Variants in SEPTIN9 observed in about 807,000 individuals in gnomAD.
The protein encoded by SEPTIN9 is septin-9.
SEPTIN9 carries 13 observed loss-of-function variants against 56.6 expected under a neutral mutation model. The ratio of observed to expected loss-of-function variants is 0.23; its 90% CI spans 0.15 to 0.37. The LOEUF (loss-of-function observed/expected upper bound fraction) is 0.37, where lower values mean the gene tolerates loss of function less well. SEPTIN9 is among the 10% of genes least tolerant of loss of function. SEPTIN9 has a pLI of 1.00. For synonymous variants in SEPTIN9, 332 were observed against 334.1 expected (o/e 0.99, Z 0.07); for missense variants, 650 against 823.1 (o/e 0.79, Z 2.57).
At chr17:77,379,140 G>A (rs1017588714) in intron 2 of SEPTIN9, among the ~76,000 whole-genome samples, 1 of 152,144 alleles carries the variant, frequency 6.6e-6, no homozygotes, top group Non-Finnish European at 1.5e-5. Context: ...ATCTTGTCTA[G>A]TGGTGAGACC....
chr17:77,414,250 G>A (rs971645059), intron 3 of SEPTIN9, among the ~76,000 whole-genome samples: 1 of 151,530 alleles, frequency 6.6e-6, no homozygotes, highest in Admixed American at 6.6e-5. Context: ...GGCTAATTTT[G>A]TATTTTTAGT....
At chr17:77,312,761 T>C (rs1398295102) in intron 2 of SEPTIN9, among the ~76,000 whole-genome samples, 2 of 152,092 alleles carry the variant, frequency 1.3e-5, no homozygotes, top group Non-Finnish European at 2.9e-5. Flanking sequence ...GGGTAAGAAA[T>C]TGATGGCGAA....
rs115982065 is a variant in SEPTIN9, at chr17:77,342,458, T to C, written c.76+35261T>C. 5.4e-3 allele frequency among the ~76,000 whole-genome samples: 825 copies of C among 152,364 alleles called. 8 individuals carry two copies. Among genetic ancestry groups the C allele is most frequent in the African/African-American group, 0.019 (784 of 41,590 alleles). On this transcript the variant is annotated intron_variant, in intron 2 of 11. Transcript: ENST00000427177. ...CTAGATCTTTTTAAAGAACCAGCAT[T>C]GGACTCCCCTTTTCTGGTGTCCATT...
intron 3 of SEPTIN9, chr17:77,427,329 G>A (rs749066329): frequency 3.3e-5 from 5 of 152,304 alleles, no homozygotes; most frequent in Non-Finnish European, 4.4e-5. Flanking sequence ...ACAAGTGGAC[G>A]AGATGGGATG....
chr17:77,484,601 G>GTAGTGA lies in SEPTIN9; in HGVS notation c.913+2267_913+2268insAGTGAT, dbSNP rs1555678563. Among the ~76,000 whole-genome samples, 104 of 34,074 alleles carry GTAGTGA rather than the reference G, an allele frequency of 3.1e-3. 9 individuals carry two copies. In the African/African-American group the frequency reaches 0.033, roughly 11 times the overall value. The allele number at this position is 34,074 out of a possible 152,430, so 22.4% of individuals were successfully genotyped here. ...GGTTATGATGGTGGTAATTGTGATG[G>GTAGTGA]TGGTGGTGATGGTGGTGATGGGGAT... On this transcript the variant is annotated intron_variant, in intron 4 of 11. Transcript: ENST00000427177.
At position 77,500,040 on chromosome 17, in the gene SEPTIN9, C is replaced by T. The variant is rs1249447551; in HGVS notation, c.*1382C>T. On this transcript the variant is annotated 3_prime_UTR_variant, in exon 12 of 12. Coordinates refer to ENST00000427177, the MANE Select transcript of SEPTIN9 (RefSeq NM_001113491.2). ...AAAGTCCCTTCCTGCTTCCTGTTAC[C>T]TGTCTTGCTCCTGGGGAGAAAGAGG... The T allele has an allele frequency of 1.3e-5, 3 of 235,416 alleles. No individual in the cohort carries two copies. The highest frequency in any genetic ancestry group is 6.0e-5 in the East Asian group (1 of 16,570). The allele number at this position is 235,416 out of a possible 1,614,324, so 14.6% of individuals were successfully genotyped here. A position where few individuals can be genotyped will look rare whatever the true frequency, so the allele number is the denominator to read the frequency against.
At chr17:77,303,396 C>T in intron 1 of SEPTIN9, among the ~76,000 whole-genome samples, 1 of 150,854 alleles carries the variant, frequency 6.6e-6, no homozygotes, top group East Asian at 2.0e-4. Flanking sequence ...CCATGCCTGG[C>T]CAACTATTAT....
chr17:77,481,078 T>C (rs756727198), intron 3 of SEPTIN9, among the ~76,000 whole-genome samples: 2 of 152,172 alleles, frequency 1.3e-5, no homozygotes, highest in Non-Finnish European at 2.9e-5. Flanking sequence ...CCAGCCCTGA[T>C]GGGAACCAGC....
intron 3 of SEPTIN9, among the ~76,000 whole-genome samples, chr17:77,463,104 T>A (rs1482071369): frequency 6.6e-6 from 1 of 152,184 alleles, no homozygotes; most frequent in Non-Finnish European, 1.5e-5. Flanking sequence ...GATGAGGCTG[T>A]TCCTTTCCGC....
At chr17:77,311,906 C>T (rs2032508693) in intron 2 of SEPTIN9, among the ~76,000 whole-genome samples, 1 of 152,174 alleles carries the variant, frequency 6.6e-6, no homozygotes, top group South Asian at 2.1e-4. Context: ...ATTACTTCCT[C>T]TCTCACCCAT....
chr17:77,316,406 C>T (rs964414096), intron 2 of SEPTIN9, among the ~76,000 whole-genome samples: 2 of 152,262 alleles, frequency 1.3e-5, no homozygotes, highest in Non-Finnish European at 2.9e-5. Flanking sequence ...TTTGGATTTT[C>T]AGGCACGGAG....
intron 2 of SEPTIN9, among the ~76,000 whole-genome samples, chr17:77,358,400 C>A (rs974531733): frequency 1.1e-4 from 17 of 152,200 alleles, no homozygotes; most frequent in African/African-American, 4.1e-4. Context: ...GCGGGTGGAT[C>A]ACTTGAAGTC....
chr17:77,431,830 C>CAA (rs61461406), intron 3 of SEPTIN9, among the ~76,000 whole-genome samples: 867 of 54,886 alleles, frequency 0.016, 18 homozygotes, highest in South Asian at 0.049. Flanking sequence ...AATGCTGTCT[C>CAA]AAAAAAAAAA....
intron 2 of SEPTIN9, among the ~76,000 whole-genome samples, chr17:77,372,909 C>T (rs549440188): frequency 4.5e-4 from 69 of 152,258 alleles, no homozygotes; most frequent in African/African-American, 1.7e-3. Flanking sequence ...GAGCGCGCGG[C>T]GGCGGTGACA....
rs150819658 is a variant in SEPTIN9, at chr17:77,343,419, G to T, written c.76+36222G>T. On this transcript the variant is annotated intron_variant, in intron 2 of 11. Coordinates refer to ENST00000427177, the MANE Select transcript of SEPTIN9 (RefSeq NM_001113491.2). ...TACCCTCCCGTGGAAGCTCCATGCC[G>T]CTTCCTTCATACCTTTCTTATGCAT... 1.0e-3 allele frequency among the ~76,000 whole-genome samples: 156 copies of T among 152,306 alleles called. 5 individuals carry two copies. In the East Asian group the frequency reaches 0.026, roughly 25 times the overall value.
chr17:77,446,429 C>A (rs904026094), intron 3 of SEPTIN9: 3 of 153,214 alleles, frequency 2.0e-5, no homozygotes, highest in Non-Finnish European at 4.4e-5. Context: ...TGGCTCACTG[C>A]AGCCTCCGCC....
chr17:77,302,538 C>T (rs1204205125), intron 1 of SEPTIN9, among the ~76,000 whole-genome samples: 1 of 132,600 alleles, frequency 7.5e-6, no homozygotes, highest in Non-Finnish European at 1.6e-5. Flanking sequence ...ATTAGCCGGG[C>T]GTGGTAGTGC....
At chr17:77,447,550 C>T (rs187559795) in intron 3 of SEPTIN9, among the ~76,000 whole-genome samples, 1 of 152,374 alleles carries the variant, frequency 6.6e-6, no homozygotes, top group Non-Finnish European at 1.5e-5. Flanking sequence ...GGGGAAGAGT[C>T]GTCGTCAGTC....
intron 2 of SEPTIN9, among the ~76,000 whole-genome samples, chr17:77,314,116 T>C (rs1480360061): frequency 1.3e-5 from 2 of 151,910 alleles, no homozygotes; most frequent in East Asian, 1.9e-4. Flanking sequence ...CTGCAGTGAG[T>C]TGTGATCACG....
Sources: gnomAD v4.1 joint callset for allele counts (sites outside exome capture counted in the v4.1 genomes callset) on GRCh38, gnomAD v4.1.1 for gene constraint, MANE v1.5 for transcripts, NCBI Gene and HGNC (gene_info 2026-07-23, HGNC 2026-07-21) for gene names.